The following METTL15 variants were observed in gnomAD, a reference collection of about 807,000 sequenced individuals.
METTL15 encodes the protein methyltransferase 15, mitochondrial 12S rRNA N4-cytidine, also known as 12S rRNA N(4)-cytidine methyltransferase METTL15.
Under a neutral mutation model 38.3 loss-of-function variants are expected in METTL15, and 34 were observed. The observed-to-expected ratio is 0.89, with a 90% CI of 0.68 to 1.18. The LOEUF is 1.18. Among genes scored for constraint, METTL15 ranks in the 50% most tolerant of loss-of-function variants. The pLI is 0.00. For synonymous variants in METTL15, 162 were observed against 170.9 expected (o/e 0.95, Z 0.41); for missense variants, 438 against 498.4 (o/e 0.88, Z 1.15).
intron 3 of METTL15, among the ~76,000 whole-genome samples, chr11:28,162,884 C>T (rs1850518131): frequency 1.3e-5 from 2 of 151,888 alleles, no homozygotes; most frequent in Admixed American, 6.6e-5. Flanking sequence ...ACTTTCACAC[C>T]ATAGTAAAGT....
chr11:28,465,727 C>G (rs912921325), intron 6 of METTL15, among the ~76,000 whole-genome samples: 1 of 152,150 alleles, frequency 6.6e-6, no homozygotes, highest in African/African-American at 2.4e-5. Flanking sequence ...CCTGATTTAT[C>G]CTATACTACA....
intron 5 of METTL15, among the ~76,000 whole-genome samples, chr11:28,364,270 A>G (rs533589565): frequency 1.3e-5 from 2 of 152,260 alleles, no homozygotes; most frequent in South Asian, 4.1e-4. Flanking sequence ...ATTACTTTGG[A>G]CAGTGTGGCC....
chr11:28,253,677 T>C (rs1854848119), intron 4 of METTL15, among the ~76,000 whole-genome samples: 1 of 135,126 alleles, frequency 7.4e-6, no homozygotes, highest in African/African-American at 2.7e-5. Context: ...ATCCTTCTAC[T>C]CTATATCTAC....
intron 3 of METTL15, among the ~76,000 whole-genome samples, chr11:28,146,758 T>C (rs1849901291): frequency 6.6e-6 from 1 of 151,980 alleles, no homozygotes; most frequent in South Asian, 2.1e-4. Context: ...AATAGCCCAC[T>C]ATCCAATTAG....
chr11:28,358,707 T>C (rs1215471800), intron 4 of METTL15, among the ~76,000 whole-genome samples: 1 of 152,194 alleles, frequency 6.6e-6, no homozygotes, highest in Non-Finnish European at 1.5e-5. Flanking sequence ...GGGGAGAGAC[T>C]ATGTGATTTA....
At chr11:28,215,364 A>C (rs944763904) in intron 4 of METTL15, among the ~76,000 whole-genome samples, 1 of 151,982 alleles carries the variant, frequency 6.6e-6, no homozygotes, top group African/African-American at 2.4e-5. Context: ...TTAGGCTTTA[A>C]AGCTGGCTTT....
chr11:28,109,366 A>G (rs1851619254), intron 1 of METTL15, among the ~76,000 whole-genome samples: 1 of 152,222 alleles, frequency 6.6e-6, no homozygotes, highest in Admixed American at 6.5e-5. Context: ...CTTTATTTCC[A>G]GTAAGAACTC....
intron 6 of METTL15, among the ~76,000 whole-genome samples, chr11:28,450,892 A>T (rs560859553): frequency 1.3e-5 from 2 of 152,296 alleles, no homozygotes; most frequent in East Asian, 3.9e-4. Context: ...TTTTCATTAT[A>T]CTAATTTAAT....
chr11:28,161,074 A>G (rs1850439801), intron 3 of METTL15, among the ~76,000 whole-genome samples: 1 of 150,880 alleles, frequency 6.6e-6, no homozygotes, highest in Non-Finnish European at 1.5e-5. Flanking sequence ...CAAATGAAAG[A>G]TGACAGTGAT....
chr11:28,324,811 A>G (rs1849579106), intron 6 of METTL15, among the ~76,000 whole-genome samples: 1 of 152,130 alleles, frequency 6.6e-6, no homozygotes, highest in East Asian at 1.9e-4. Flanking sequence ...CCGAGGTCTG[A>G]AGGGAGTGGG....
intron 4 of METTL15, among the ~76,000 whole-genome samples, chr11:28,218,737 A>G (rs1268198872): frequency 6.6e-6 from 1 of 152,172 alleles, no homozygotes; most frequent in African/African-American, 2.4e-5. Flanking sequence ...CGTCCCATCA[A>G]TACCTAATTT....
chr11:28,236,201 C>G (rs967555832), intron 4 of METTL15, among the ~76,000 whole-genome samples: 1 of 152,042 alleles, frequency 6.6e-6, no homozygotes, highest in East Asian at 1.9e-4. Context: ...CTGCTGTATT[C>G]GGTTTGCCAG....
intron 3 of METTL15, among the ~76,000 whole-genome samples, chr11:28,209,394 A>G (rs1027308071): frequency 3.9e-5 from 6 of 151,984 alleles, no homozygotes; most frequent in African/African-American, 9.7e-5. Context: ...ATTTTTGCCA[A>G]TTCATCGATG....
chr11:28,306,103 G>C (rs1857073716), intron 6 of METTL15, among the ~76,000 whole-genome samples: 2 of 152,044 alleles, frequency 1.3e-5, no homozygotes, highest in Non-Finnish European at 2.9e-5. Flanking sequence ...TTTTGGGACA[G>C]TAATTTAGTG....
intron 6 of METTL15, among the ~76,000 whole-genome samples, chr11:28,310,677 C>T (rs535449133): frequency 7.9e-5 from 12 of 152,138 alleles, no homozygotes; most frequent in African/African-American, 2.9e-4. Context: ...TTTTGAAGGC[C>T]TATTTTCTAG....
At chr11:28,222,066 A>G (rs560833814) in intron 4 of METTL15, among the ~76,000 whole-genome samples, 17 of 152,222 alleles carry the variant, frequency 1.1e-4, no homozygotes, top group East Asian at 3.9e-4. Flanking sequence ...GAGAACCACT[A>G]CTGTCTTCCA....
chr11:28,160,128 CATGCTGG>C (rs1187659466), intron 3 of METTL15, among the ~76,000 whole-genome samples: 1 of 152,072 alleles, frequency 6.6e-6, no homozygotes, highest in East Asian at 1.9e-4. Flanking sequence ...ATCTTTCTCC[CATGCTGG>C]ATGCTTCCTG....
rs774047088 is a variant in METTL15, at chr11:28,438,029, T to C, written c.*424+13665T>C. Reference sequence around the variant, plus strand: ...TGAATAAAAAAAATGAATCATTGAATAGCTAAATGAATTAATGAACAAAGT... The same window carrying C: ...TGAATAAAAAAAATGAATCATTGAACAGCTAAATGAATTAATGAACAAAGT... On this transcript the variant is annotated intron_variant and NMD_transcript_variant, in intron 6 of 7. Transcript: ENST00000532947. Among the ~76,000 whole-genome samples, 88 of 152,200 alleles carry C rather than the reference T, an allele frequency of 5.8e-4. 1 individual carries two copies. Among genetic ancestry groups the C allele is most frequent in the Non-Finnish European group, 1.1e-3 (77 of 68,038 alleles).
At chr11:28,163,533 C>G in intron 3 of METTL15, 2 of 357,762 alleles carry the variant, frequency 5.6e-6, no homozygotes, top group East Asian at 8.0e-5. Context: ...TTACTGATCT[C>G]TCTCTCTCTC....
Sources: allele counts gnomAD v4.1 joint callset (sites outside exome capture counted in the v4.1 genomes callset), GRCh38; gene constraint gnomAD v4.1.1; transcripts MANE v1.5; gene names NCBI Gene and HGNC (gene_info 2026-07-23, HGNC 2026-07-21).